Variants in SCN3A observed in about 807,000 individuals in gnomAD.
SCN3A encodes sodium channel protein type 3 subunit alpha.
In SCN3A, 60 loss-of-function variants were observed where a neutral mutation model predicts 187.6. That is an observed-to-expected ratio of 0.32 (90% confidence interval 0.26 to 0.40). The LOEUF (loss-of-function observed/expected upper bound fraction) is 0.40, where lower values mean the gene tolerates loss of function less well. Among genes scored for constraint, SCN3A ranks in the 10% least tolerant of loss-of-function variants. SCN3A has a pLI of 1.00. For synonymous variants in SCN3A, 788 were observed against 829.2 expected (o/e 0.95, Z 0.85); for missense variants, 1,601 against 2,428.2 (o/e 0.66, Z 7.16).
chr2:165,186,201 C>G (rs1221003430), intron 2 of SCN3A, among the ~76,000 whole-genome samples: 1 of 151,888 alleles, frequency 6.6e-6, no homozygotes, highest in Non-Finnish European at 1.5e-5. Context: ...ACCCGGGAGG[C>G]AGAGCTTGCG....
At chr2:165,166,403 T>TCAATTCTGTCTATGTCACAGGAA (rs142303654) in intron 5 of SCN3A, among the ~76,000 whole-genome samples, 34,100 of 151,758 alleles carry the variant, frequency 0.22, 4,986 homozygotes, top group East Asian at 0.52. Context: ...AATCAAGCTG[T>TCAATTCTGTCTATGTCACAGGAA]CAATTCTGTC....
intron 4 of SCN3A, among the ~76,000 whole-genome samples, chr2:165,169,959 AAAGGGAAGAATGAAGG>A (rs1690007749): frequency 6.6e-6 from 1 of 151,930 alleles, no homozygotes; most frequent in African/African-American, 2.4e-5. Flanking sequence ...ACGGAAGGGA[AAAGGGAAGAATGAAGG>A]AAGGGAAGAA....
intron 18 of SCN3A, among the ~76,000 whole-genome samples, chr2:165,118,824 GCA>G (rs913512968): frequency 1.4e-4 from 22 of 151,868 alleles, no homozygotes; most frequent in Non-Finnish European, 3.1e-4. Flanking sequence ...GTGCAGTGGC[GCA>G]GTCTCGGCTC....
At chr2:165,093,040 C>A (rs1287453210) in intron 26 of SCN3A, 1 of 153,028 alleles carries the variant, frequency 6.5e-6, no homozygotes, top group Non-Finnish European at 1.5e-5. Flanking sequence ...CAGAGTGAGA[C>A]CCTGTCTCTT....
chr2:165,153,275 A>G (rs1055212894), intron 11 of SCN3A, among the ~76,000 whole-genome samples: 13 of 152,160 alleles, frequency 8.5e-5, no homozygotes, highest in Non-Finnish European at 1.8e-4. Flanking sequence ...TATCACTCAT[A>G]TGTTATACAA....
chr2:165,102,326 T>C (rs1158612206), intron 21 of SCN3A, among the ~76,000 whole-genome samples: 1 of 152,052 alleles, frequency 6.6e-6, no homozygotes, highest in Non-Finnish European at 1.5e-5. Flanking sequence ...GCCTGCGCAA[T>C]AGAGTGAGAC....
At chr2:165,145,682 GT>G (rs962129937) in intron 12 of SCN3A, among the ~76,000 whole-genome samples, 1 of 151,338 alleles carries the variant, frequency 6.6e-6, no homozygotes, top group African/African-American at 2.4e-5. Context: ...ATTACTTCTG[GT>G]TTTTTTTAGA....
intron 21 of SCN3A, among the ~76,000 whole-genome samples, chr2:165,107,895 A>G (rs1685937797): frequency 1.3e-5 from 2 of 152,236 alleles, no homozygotes; most frequent in Admixed American, 1.3e-4. Context: ...GAGGTTTGTA[A>G]TGTAGGGGTT....
chr2:165,132,037 CAA>C (rs567653679), intron 15 of SCN3A, among the ~76,000 whole-genome samples: 17 of 151,956 alleles, frequency 1.1e-4, no homozygotes, highest in African/African-American at 4.1e-4. Flanking sequence ...GTAATTGCTT[CAA>C]AGAGAATAAA....
chr2:165,111,776 C>T (rs1686131426), intron 21 of SCN3A, among the ~76,000 whole-genome samples: 1 of 152,136 alleles, frequency 6.6e-6, no homozygotes, highest in African/African-American at 2.4e-5. Flanking sequence ...TCCATTTGTG[C>T]ATAGCTTTTC....
chr2:165,113,896 T>C lies in SCN3A; in HGVS notation c.3589A>G (p.Lys1197Glu), dbSNP rs530839611. The change falls in exon 20 of 28, where the codon AAA (lysine) becomes GAA (glutamate). Residue 1197 changes from lysine (K) to glutamate (E), a missense_variant. By Grantham distance (56) the Lys-to-Glu change is moderately conservative. Coordinates refer to ENST00000283254, the MANE Select transcript of SCN3A (RefSeq NM_006922.4). ...TGCTCAACAATACTGTAGCAGGTTT[T>C]TCGAAGATTCCACCAGATCTTCCCT... ...GKGKIWWNLR[K>E]TCYSIVEHNW... is the part of the protein sequence containing the mutation. The C allele has an allele frequency of 7.7e-5, 125 of 1,613,688 alleles. No individual in the cohort carries two copies. The highest frequency in any genetic ancestry group is 1.0e-4 in the Non-Finnish European group (120 of 1,179,756).
chr2:165,098,005 G>A (rs368428649), intron 22 of SCN3A, among the ~76,000 whole-genome samples: 64 of 152,096 alleles, frequency 4.2e-4, no homozygotes, highest in Non-Finnish European at 7.6e-4. Flanking sequence ...TTATGACTAC[G>A]AAGAACAGGA....
Position 165,090,653 on chromosome 2 carries a change from G to A in SCN3A, c.5500C>T (p.Leu1834Phe). Residue 1834 changes from leucine to phenylalanine, a missense_variant, in exon 28 of 28, where the codon CTT becomes TTT. By Grantham distance (22) the Leu-to-Phe change is conservative. This residue lies in a region of SCN3A where 110 missense variants were observed against 175.9 expected (regional missense o/e 0.63). Transcript: ENST00000283254. This position sits in a 1 kb window ranked among gnomAD's most constrained non-coding sequence, Gnocchi z 4.0. Reference sequence around the variant, plus strand: ...ACCATGGGCAGATCCATGGCAATAAGCTGGACTTTGTTGGGTTTTGCTATG... The same window carrying A: ...ACCATGGGCAGATCCATGGCAATAAACTGGACTTTGTTGGGTTTTGCTATG... ...LLIAKPNKVQ[L>F]IAMDLPMVSG... is the part of the protein sequence containing the mutation. 1 of 1,614,092 alleles carries A rather than the reference G, an allele frequency of 6.2e-7. No individual in the cohort carries two copies. Among genetic ancestry groups the A allele is most frequent in the Non-Finnish European group, 8.5e-7 (1 of 1,180,006 alleles).
intron 11 of SCN3A, among the ~76,000 whole-genome samples, chr2:165,149,361 G>C (rs1047156176): frequency 1.3e-5 from 2 of 151,828 alleles, no homozygotes; most frequent in Non-Finnish European, 2.9e-5. Flanking sequence ...TTTTAGTAGA[G>C]ACAGGGTTTC....
At chr2:165,132,329 C>T (rs1317627429) in intron 15 of SCN3A, among the ~76,000 whole-genome samples, 3 of 152,098 alleles carry the variant, frequency 2.0e-5, no homozygotes, top group African/African-American at 7.2e-5. Context: ...CCCAGTCAAT[C>T]CTAAGCCAAA....
intron 12 of SCN3A, among the ~76,000 whole-genome samples, chr2:165,142,734 G>GTTA (rs1367896125): frequency 6.7e-6 from 1 of 150,078 alleles, no homozygotes; most frequent in Non-Finnish European, 1.5e-5. Flanking sequence ...TGTTGTTGTT[G>GTTA]TTGTTGTTGT....
At chr2:165,122,239 C>CTTTTTTTTTTTTTTTTTTTTTTTCT (rs1286913407) in intron 18 of SCN3A, among the ~76,000 whole-genome samples, 1 of 128,920 alleles carries the variant, frequency 7.8e-6, no homozygotes, top group African/African-American at 2.9e-5. Flanking sequence ...TCTTTTTTTT[C>CTTTTTTTTTTTTTTTTTTTTTTTCT]TTTTTTTTTT....
Position 165,087,870 on chromosome 2 carries a change from T to C in SCN3A, c.*2280A>G, listed in dbSNP as rs950382530. On this transcript the variant is annotated 3_prime_UTR_variant, in exon 28 of 28. Coordinates refer to ENST00000283254, the MANE Select transcript of SCN3A (RefSeq NM_006922.4). ...GGAGTTAATTGAAATTGAAAGCTAT[T>C]GTAGGTGGTTACTACTATTATTATC... The C allele has an allele frequency of 1.3e-5, 2 of 152,166 alleles. No individual in the cohort carries two copies. The highest frequency in any genetic ancestry group is 2.9e-5 in the Non-Finnish European group (2 of 68,002). The allele number at this position is 152,166 out of a possible 1,614,324, so 9.4% of individuals were successfully genotyped here.
At chr2:165,181,684 G>A (rs1030873889) in intron 2 of SCN3A, among the ~76,000 whole-genome samples, 23 of 152,088 alleles carry the variant, frequency 1.5e-4, no homozygotes, top group Admixed American at 3.3e-4. Context: ...AATGTGTGCC[G>A]AATACTCAAG....
Sources: gnomAD v4.1 joint callset for allele counts (sites outside exome capture counted in the v4.1 genomes callset) on GRCh38, gnomAD v4.1.1 for gene constraint, gnomAD v4.1.1 regional missense constraint, Gnocchi (gnomAD v3.1) non-coding constraint, MANE v1.5 for transcripts, NCBI Gene and HGNC (gene_info 2026-07-23, HGNC 2026-07-21) for gene names.